IMMP1L: variants seen among roughly 807,000 people sequenced by gnomAD.
IMMP1L encodes the protein mitochondrial inner membrane protease subunit 1.
A neutral mutation model predicts 21.8 loss-of-function variants in IMMP1L; 24 were observed. The ratio of observed to expected loss-of-function variants is 1.10; its 90% confidence interval spans 0.80 to 1.55. The LOEUF (loss-of-function observed/expected upper bound fraction) is 1.55, where lower values mean the gene tolerates loss of function less well. IMMP1L is among the 40% of genes most tolerant of loss of function. The probability of loss-of-function intolerance (pLI) is 0.00; values close to 1 mark genes in which losing one functional copy is unlikely to be tolerated. For missense variants in IMMP1L, 195 were observed against 200.7 expected, an observed-to-expected ratio of 0.97 and a Z score of 0.17; for synonymous variants, 46 against 62.8, an observed-to-expected ratio of 0.73 and a Z score of 1.26.
intron 3 of IMMP1L, among the ~76,000 whole-genome samples, chr11:31,458,298 C>T (rs1160115437): frequency 6.6e-6 from 1 of 152,108 alleles, no homozygotes; most frequent in Non-Finnish European, 1.5e-5. Context: ...AAAATTTTCT[C>T]ATTTATATTT....
At chr11:31,486,465 C>T (rs906410872) in intron 1 of IMMP1L, among the ~76,000 whole-genome samples, 1 of 151,884 alleles carries the variant, frequency 6.6e-6, no homozygotes, top group Non-Finnish European at 1.5e-5. Context: ...TTTATATGTA[C>T]TCTATATTTA....
rs539416658 is a variant in IMMP1L at position 31,473,193 on chromosome 11, G to A, written c.-29-9888C>T. Among the ~76,000 whole-genome samples, 3 of 152,298 alleles carry A rather than the reference G, an allele frequency of 2.0e-5. No homozygotes were observed. In the East Asian group the frequency reaches 5.8e-4, roughly 29 times the overall value. On this transcript the variant is annotated intron_variant, in intron 1 of 5. Transcript: ENST00000532287. ...GCCTCCTAAGTAACTGGGACTACAG[G>A]CGCCTGCCACCACGCCCGGCTAATT...
At chr11:31,485,432 T>C (rs1955039693) in intron 1 of IMMP1L, among the ~76,000 whole-genome samples, 2 of 152,014 alleles carry the variant, frequency 1.3e-5, no homozygotes, top group African/African-American at 2.4e-5. Context: ...GCAACCTATG[T>C]TGCATATATA....
chr11:31,437,064 A>ACCTCTAC (rs1028046282), intron 4 of IMMP1L: 9 of 372,194 alleles, frequency 2.4e-5, no homozygotes, highest in Admixed American at 2.3e-4. Context: ...AAACAAGAAA[A>ACCTCTAC]CCTCTACGTA....
intron 4 of IMMP1L, among the ~76,000 whole-genome samples, chr11:31,434,277 A>T (rs377495184): frequency 6.6e-6 from 1 of 152,178 alleles, no homozygotes; most frequent in East Asian, 1.9e-4. Context: ...CTGGTAAATA[A>T]CAAGATTTTT....
intron 1 of IMMP1L, among the ~76,000 whole-genome samples, chr11:31,479,137 TA>T (rs942684251): frequency 5.3e-5 from 8 of 151,224 alleles, no homozygotes; most frequent in South Asian, 2.1e-4. Flanking sequence ...AAGTTTTATA[TA>T]AAAAAAAAGT....
chr11:31,464,069 G>A (rs940458482), intron 1 of IMMP1L, among the ~76,000 whole-genome samples: 18 of 151,764 alleles, frequency 1.2e-4, no homozygotes, highest in African/African-American at 4.4e-4. Flanking sequence ...TTAACTAATA[G>A]CCTAACTCTT....
intron 1 of IMMP1L, among the ~76,000 whole-genome samples, chr11:31,469,474 C>T (rs1286685790): frequency 6.6e-6 from 1 of 152,138 alleles, no homozygotes; most frequent in Non-Finnish European, 1.5e-5. Context: ...TAATGCATTA[C>T]ATGAATATAC....
chr11:31,469,551 A>G (rs2133699089), intron 1 of IMMP1L, among the ~76,000 whole-genome samples: 1 of 152,348 alleles, frequency 6.6e-6, no homozygotes, highest in East Asian at 1.9e-4. Flanking sequence ...AGTTGGGAGA[A>G]AGTAGTAAGA....
intron 1 of IMMP1L, among the ~76,000 whole-genome samples, chr11:31,497,689 T>G (rs938770471): frequency 6.6e-6 from 1 of 152,148 alleles, no homozygotes; most frequent in Admixed American, 6.5e-5. Flanking sequence ...CTCGATCTCT[T>G]GACCTCGTGA....
intron 1 of IMMP1L, among the ~76,000 whole-genome samples, chr11:31,470,610 A>C (rs767777931): frequency 6.6e-6 from 1 of 152,198 alleles, no homozygotes; most frequent in Non-Finnish European, 1.5e-5. Flanking sequence ...ATGATCCAGC[A>C]ATTCCACTAC....
chr11:31,480,790 CAAAA>C (rs933864390), intron 1 of IMMP1L, among the ~76,000 whole-genome samples: 9 of 151,790 alleles, frequency 5.9e-5, no homozygotes, highest in African/African-American at 2.2e-4. Context: ...ATAATAATAA[CAAAA>C]AAACTTTCTA....
At chr11:31,490,035 C>G (rs1955204199) in intron 1 of IMMP1L, among the ~76,000 whole-genome samples, 1 of 152,088 alleles carries the variant, frequency 6.6e-6, no homozygotes, top group Non-Finnish European at 1.5e-5. Flanking sequence ...TCTAATCATT[C>G]CAAAAAACTA....
intron 4 of IMMP1L, among the ~76,000 whole-genome samples, chr11:31,450,914 G>A (rs1057123831): frequency 6.6e-6 from 1 of 152,072 alleles, no homozygotes; most frequent in Non-Finnish European, 1.5e-5. Flanking sequence ...AATCAACTGC[G>A]ATTAAAATGA....
chr11:31,486,510 T>C (rs1276472928), intron 1 of IMMP1L, among the ~76,000 whole-genome samples: 1 of 151,974 alleles, frequency 6.6e-6, no homozygotes, highest in South Asian at 2.1e-4. Flanking sequence ...TTACTATATA[T>C]GTAAGGCCTA....
chr11:31,441,167 G>GTA, intron 4 of IMMP1L, among the ~76,000 whole-genome samples: 1 of 152,034 alleles, frequency 6.6e-6, no homozygotes, highest in East Asian at 1.9e-4. Flanking sequence ...GTATACATAT[G>GTA]TATATATACA....
intron 3 of IMMP1L, among the ~76,000 whole-genome samples, chr11:31,458,382 T>C (rs902311900): frequency 2.0e-5 from 3 of 152,126 alleles, no homozygotes; most frequent in African/African-American, 4.8e-5. Flanking sequence ...AATCTTAACA[T>C]TCTCTATAAT....
intron 1 of IMMP1L, among the ~76,000 whole-genome samples, chr11:31,498,099 A>G (rs1418245819): frequency 6.6e-6 from 1 of 152,226 alleles, no homozygotes; most frequent in Non-Finnish European, 1.5e-5. Flanking sequence ...ATGTTAATAG[A>G]AAAAACATAA....
At chr11:31,496,620 T>TGA (rs1343457336) in intron 1 of IMMP1L, among the ~76,000 whole-genome samples, 1 of 151,216 alleles carries the variant, frequency 6.6e-6, no homozygotes, top group Non-Finnish European at 1.5e-5. Context: ...GATATATGTG[T>TGA]GTGTGTGTGT....
Sources: allele counts gnomAD v4.1 joint callset (sites outside exome capture counted in the v4.1 genomes callset), GRCh38; gene constraint gnomAD v4.1.1; transcripts MANE v1.5; gene names NCBI Gene and HGNC (gene_info 2026-07-23, HGNC 2026-07-21).